The following FSD1L variants were observed in gnomAD, a reference collection of about 807,000 sequenced individuals.
The protein encoded by FSD1L is fibronectin type III and SPRY domain containing 1 like.
In FSD1L, 45 loss-of-function variants were observed where a neutral mutation model predicts 71.6. The ratio of observed to expected loss-of-function variants is 0.63; its 90% CI spans 0.49 to 0.81. The LOEUF (loss-of-function observed/expected upper bound fraction) is 0.81. FSD1L is among the 30% of genes least tolerant of loss of function. The pLI, the probability that FSD1L is intolerant of heterozygous loss-of-function variation, is 0.00. For synonymous variants in FSD1L, 197 were observed against 207.2 expected (o/e 0.95, Z 0.42); for missense variants, 561 against 618.1 (o/e 0.91, Z 0.98).
At chr9:105,458,285 G>A (rs1477811740) in intron 1 of FSD1L, among the ~76,000 whole-genome samples, 1 of 152,156 alleles carries the variant, frequency 6.6e-6, no homozygotes, top group Non-Finnish European at 1.5e-5. Context: ...GTCACTGTCT[G>A]CAGCTTGGTG....
intron 10 of FSD1L, among the ~76,000 whole-genome samples, chr9:105,533,801 G>A (rs1216771469): frequency 2.8e-5 from 4 of 144,776 alleles, no homozygotes; most frequent in East Asian, 2.2e-4. Flanking sequence ...TGGCTCACCC[G>A]CAACCTCTGA....
intron 13 of FSD1L, among the ~76,000 whole-genome samples, chr9:105,539,866 A>G (rs951555251): frequency 7.2e-5 from 11 of 152,124 alleles, no homozygotes; most frequent in Non-Finnish European, 5.9e-5. Flanking sequence ...TTCTGTGACT[A>G]TATCAATTGA....
chr9:105,522,989 T>C (rs1835277165), intron 10 of FSD1L: 2 of 1,614,116 alleles, frequency 1.2e-6, no homozygotes, highest in Non-Finnish European at 1.7e-6. Context: ...GTCATTCGGA[T>C]TCTTTCAGCG....
At chr9:105,540,966 T>A (rs1836573624) in intron 13 of FSD1L, among the ~76,000 whole-genome samples, 1 of 152,144 alleles carries the variant, frequency 6.6e-6, no homozygotes, top group Non-Finnish European at 1.5e-5. Flanking sequence ...GAGCTTTTCT[T>A]AAATTTGGAG....
intron 10 of FSD1L, among the ~76,000 whole-genome samples, chr9:105,528,493 T>G (rs1835669128): frequency 1.3e-5 from 2 of 152,084 alleles, no homozygotes; most frequent in Non-Finnish European, 2.9e-5. Context: ...TCTACAACCA[T>G]CTCATCTTTG....
chr9:105,500,217 CA>C (rs1204420452), intron 7 of FSD1L, among the ~76,000 whole-genome samples: 1 of 152,160 alleles, frequency 6.6e-6, no homozygotes, highest in Non-Finnish European at 1.5e-5. Flanking sequence ...GATGACCAGA[CA>C]TGTATTGGGT....
intron 1 of FSD1L, among the ~76,000 whole-genome samples, chr9:105,449,525 G>A (rs760805567): frequency 5.9e-5 from 9 of 152,188 alleles, no homozygotes; most frequent in Non-Finnish European, 1.0e-4. Context: ...GTTCCAGGAT[G>A]CTATTTACTA....
chr9:105,530,520 A>T, intron 10 of FSD1L: 3 of 670,978 alleles, frequency 4.5e-6, no homozygotes, highest in Non-Finnish European at 8.0e-6. Context: ...ACAAATTTTT[A>T]AAAATTGTTT....
At chr9:105,518,243 A>G (rs1360850873) in intron 10 of FSD1L, among the ~76,000 whole-genome samples, 1 of 151,960 alleles carries the variant, frequency 6.6e-6, no homozygotes, top group Non-Finnish European at 1.5e-5. Context: ...TCAATATTAG[A>G]CAGATCAATG....
At chr9:105,481,975 A>G (rs1046453706) in intron 6 of FSD1L, among the ~76,000 whole-genome samples, 1 of 151,948 alleles carries the variant, frequency 6.6e-6, no homozygotes, top group Non-Finnish European at 1.5e-5. Context: ...GGGTTTCGCC[A>G]TGTTGCCTAG....
intron 7 of FSD1L, among the ~76,000 whole-genome samples, chr9:105,493,844 T>C (rs1341683491): frequency 5.3e-5 from 8 of 152,066 alleles, no homozygotes; most frequent in Admixed American, 2.6e-4. Context: ...TCTCTTCTGG[T>C]TTGTAGAGTT....
At chr9:105,490,638 G>A (rs1832865487) in intron 7 of FSD1L, among the ~76,000 whole-genome samples, 1 of 141,800 alleles carries the variant, frequency 7.1e-6, no homozygotes, top group Non-Finnish European at 1.5e-5. Flanking sequence ...TATGGTTTTA[G>A]GTCTAACGTT....
At chr9:105,489,672 C>T (rs1832791353) in intron 7 of FSD1L, among the ~76,000 whole-genome samples, 1 of 152,134 alleles carries the variant, frequency 6.6e-6, no homozygotes. Context: ...CACCCCACAA[C>T]AGTCCCCAGA....
intron 10 of FSD1L, chr9:105,522,550 C>G (rs1369069579): frequency 3.1e-6 from 5 of 1,613,540 alleles, no homozygotes; most frequent in Non-Finnish European, 4.2e-6. Context: ...CTTCCCCGCT[C>G]AACTAGAGTC....
intron 11 of FSD1L, 49 bp from the exon 12 acceptor site, chr9:105,535,018 G>T: frequency 6.5e-7 from 1 of 1,543,202 alleles, no homozygotes; most frequent in South Asian, 1.2e-5. Context: ...AAAACTGTGT[G>T]ACTCATAAGG....
rs569179944 is a variant in FSD1L at position 105,461,353 on chromosome 9, G to A, written c.16-167G>A. Among the ~76,000 whole-genome samples, 329 of 151,150 alleles carry A rather than the reference G, an allele frequency of 2.2e-3. 1 individual carries two copies. The highest frequency in any genetic ancestry group is 7.3e-3 in the African/African-American group (302 of 41,136). ...ATACAAACTGAATTTTGAACACTCC[G>A]TACCAAAAAAAAAGAAAAACTCATT... On this transcript the variant is annotated intron_variant, in intron 1 of 13. Coordinates refer to ENST00000481272, the MANE Select transcript of FSD1L (RefSeq NM_001145313.3).
intron 13 of FSD1L, among the ~76,000 whole-genome samples, chr9:105,543,493 T>C (rs1836763522): frequency 6.6e-6 from 1 of 152,188 alleles, no homozygotes; most frequent in Non-Finnish European, 1.5e-5. Context: ...TGCAGGTTTG[T>C]TATATATGTA....
intron 10 of FSD1L, among the ~76,000 whole-genome samples, chr9:105,517,882 C>T (rs1834834568): frequency 6.6e-6 from 1 of 152,186 alleles, no homozygotes; most frequent in Non-Finnish European, 1.5e-5. Context: ...GATAAAGAGT[C>T]AAGACCCATC....
At chr9:105,504,975 A>G (rs1833965515) in intron 7 of FSD1L, among the ~76,000 whole-genome samples, 1 of 152,234 alleles carries the variant, frequency 6.6e-6, no homozygotes. Flanking sequence ...CCCTGTTATT[A>G]CTATTCTGCA....
Sources: allele counts gnomAD v4.1 joint callset (sites outside exome capture counted in the v4.1 genomes callset), GRCh38; gene constraint gnomAD v4.1.1; transcripts MANE v1.5; gene names NCBI Gene and HGNC (gene_info 2026-07-23, HGNC 2026-07-21).